Variants in ATXN2 observed in about 807,000 individuals in gnomAD.
ATXN2 encodes ataxin 2.
Under a neutral mutation model 138.6 loss-of-function variants are expected in ATXN2, and 37 were observed. The observed-to-expected ratio is 0.27, with a 90% CI of 0.21 to 0.35. ATXN2 has a LOEUF of 0.35. Among genes scored for constraint, ATXN2 ranks in the 10% least tolerant of loss-of-function variants. The probability of loss-of-function intolerance (pLI) is 1.00; values close to 1 mark genes in which losing one functional copy is unlikely to be tolerated. For synonymous variants in ATXN2, 549 were observed against 543.7 expected (o/e 1.01, Z -0.13); for missense variants, 1,216 against 1,480.3 (o/e 0.82, Z 2.93).
Position 111,561,184 on chromosome 12 carries a change from C to CA in ATXN2, c.252-5266dup, listed in dbSNP as rs143602215. Among the ~76,000 whole-genome samples, 629 of 129,700 alleles carry CA rather than the reference C, an allele frequency of 4.8e-3. 13 individuals are homozygous for CA. The highest frequency in any genetic ancestry group is 0.028 in the Admixed American group (361 of 12,688). The allele number at this position is 129,700 out of a possible 152,430, so 85.1% of individuals were successfully genotyped here. A position where few individuals can be genotyped will look rare whatever the true frequency, so the allele number is the denominator to read the frequency against. On this transcript the variant is annotated intron_variant, in intron 1 of 24. Coordinates refer to ENST00000673436, the MANE Select transcript of ATXN2 (RefSeq NM_001372574.1). ...TGGGCAATACAGCGAGACTCCGCCTCAAAAAAAAAAAATAAATGAACAGTC... is the reference window on the plus strand; with the variant it reads ...TGGGCAATACAGCGAGACTCCGCCTCAAAAAAAAAAAAATAAATGAACAGTC...
Position 111,457,194 on chromosome 12 carries a change from G to C in ATXN2, c.3042+20C>G, listed in dbSNP as rs746951692. 5 of 1,603,346 alleles carry C rather than the reference G, an allele frequency of 3.1e-6. No individual in the cohort carries two copies. The Admixed American group carries it at 7.0e-5, about 22-fold the overall frequency. On this transcript the variant is annotated intron_variant, in intron 22 of 24. Transcript: ENST00000673436. ...TAGGATAAAGAAGCCACTCCATGCA[G>C]ACCTCTGAGTTGCCCTTACCTGAAC...
intron 18 of ATXN2, among the ~76,000 whole-genome samples, chr12:111,478,782 G>A (rs1344244638): frequency 6.6e-6 from 1 of 151,816 alleles, no homozygotes; most frequent in African/African-American, 2.4e-5. Context: ...TGGGGCGGGT[G>A]GATCACTTGT....
At chr12:111,569,524 T>C (rs1883198475) in intron 1 of ATXN2, among the ~76,000 whole-genome samples, 1 of 152,194 alleles carries the variant, frequency 6.6e-6, no homozygotes, top group Non-Finnish European at 1.5e-5. Context: ...GAGACCAGCC[T>C]GGACAACATG....
intron 14 of ATXN2, among the ~76,000 whole-genome samples, chr12:111,492,836 G>C (rs77070824): frequency 0.019 from 2,898 of 152,084 alleles, 46 homozygotes; most frequent in Non-Finnish European, 0.029. Flanking sequence ...TAAAAATAAA[G>C]GACACCAGTG....
chr12:111,506,637 CCT>C (rs1879131703), intron 14 of ATXN2, among the ~76,000 whole-genome samples: 1 of 147,782 alleles, frequency 6.8e-6, no homozygotes, highest in African/African-American at 2.5e-5. Context: ...CCTCTCCCCC[CCT>C]CCCCCTCCCC....
At position 111,556,478 on chromosome 12, in the gene ATXN2, G is replaced by A. The variant is rs181979700; in HGVS notation, c.252-559C>T. On this transcript the variant is annotated intron_variant, in intron 1 of 24. Transcript: ENST00000673436. ...CTTGATTTAACCAACACAGATGACTGACACCAAGTCACTTCCCATATTTCT... is the reference window on the plus strand; with the variant it reads ...CTTGATTTAACCAACACAGATGACTAACACCAAGTCACTTCCCATATTTCT... 2.3e-3 allele frequency among the ~76,000 whole-genome samples: 356 copies of A among 152,262 alleles called. 3 individuals carry two copies. The highest frequency in any genetic ancestry group is 3.0e-3 in the Non-Finnish European group (206 of 68,024).
Position 111,591,793 on chromosome 12 carries a change from C to T in ATXN2, c.251+6991G>A, listed in dbSNP as rs183051128. 3.3e-5 allele frequency among the ~76,000 whole-genome samples: 5 copies of T among 152,116 alleles called. No individual in the cohort carries two copies. In the East Asian group the frequency reaches 5.8e-4, roughly 18 times the overall value. ...GTTGTTGTTACTGTTTTTTAAGAGA[C>T]AGGGTAGGCTGCGCACGGTGGCTCA... On this transcript the variant is annotated intron_variant, in intron 1 of 24. Transcript: ENST00000673436.
chr12:111,531,330 T>C (rs549587061), intron 5 of ATXN2, among the ~76,000 whole-genome samples: 2 of 152,034 alleles, frequency 1.3e-5, no homozygotes, highest in Non-Finnish European at 2.9e-5. Flanking sequence ...GGCGAATTGC[T>C]TGAACCTTGA....
At chr12:111,546,348 A>G (rs953122280) in intron 5 of ATXN2, among the ~76,000 whole-genome samples, 6 of 152,164 alleles carry the variant, frequency 3.9e-5, no homozygotes, top group Non-Finnish European at 7.4e-5. Flanking sequence ...AGACAGTCAA[A>G]TTTTCTGGCT....
chr12:111,531,308 G>A (rs1303712500), intron 5 of ATXN2, among the ~76,000 whole-genome samples: 1 of 152,190 alleles, frequency 6.6e-6, no homozygotes, highest in Non-Finnish European at 1.5e-5. Flanking sequence ...AGCTACTCGG[G>A]AGGCTGAGGC....
chr12:111,571,286 C>T (rs1883297436), intron 1 of ATXN2, among the ~76,000 whole-genome samples: 1 of 152,080 alleles, frequency 6.6e-6, no homozygotes, highest in Admixed American at 6.6e-5. Flanking sequence ...GAATACTGAC[C>T]TGTAAAAAGA....
intron 5 of ATXN2, among the ~76,000 whole-genome samples, chr12:111,526,318 T>C (rs1226394187): frequency 1.3e-5 from 2 of 151,012 alleles, no homozygotes; most frequent in Non-Finnish European, 2.9e-5. Context: ...ATCACGCCAC[T>C]GTGCTCCAGC....
rs371700784 is a variant in ATXN2, at chr12:111,488,568, C to T, written c.2148G>A (p.Arg716=). The T allele has an allele frequency of 4.3e-6, 7 of 1,614,056 alleles. No homozygotes were observed. In the African/African-American group the frequency reaches 8.0e-5, roughly 18 times the overall value. The stretch of plus-strand genomic sequence containing the variant: ...CCCCTTGGGAAGTGACCTCAGGTCC[C>T]CTCTTGTGCTCCGTGTTACTAAGTA... The part of the protein sequence containing the change: ...PSILSNTEHK[R]GPEVTSQGVQ... Residue 716 remains arginine (R), a synonymous_variant, in exon 15 of 25, where the codon AGG becomes AGA. Transcript: ENST00000673436.
rs114285692 is a variant in ATXN2 at position 111,478,115 on chromosome 12, G to T, written c.2524+7150C>A. Reference sequence around the variant, plus strand: ...CCAGGCAGAAACATTGAGACAAAAAGAAATTATTAGGACAGGCGCAGTGGC... The same window carrying T: ...CCAGGCAGAAACATTGAGACAAAAATAAATTATTAGGACAGGCGCAGTGGC... On this transcript the variant is annotated intron_variant, in intron 18 of 24. Coordinates refer to ENST00000673436, the MANE Select transcript of ATXN2 (RefSeq NM_001372574.1). Among the ~76,000 whole-genome samples the T allele has an allele frequency of 2.1e-3, 321 of 149,808 alleles. 2 individuals carry two copies. Among genetic ancestry groups the T allele is most frequent in the African/African-American group, 7.5e-3 (307 of 40,972 alleles).
intron 14 of ATXN2, among the ~76,000 whole-genome samples, chr12:111,503,872 C>A (rs1369373478): frequency 6.6e-6 from 1 of 151,548 alleles, no homozygotes; most frequent in Non-Finnish European, 1.5e-5. Flanking sequence ...TTATAGGTAT[C>A]AGCCACCGTG....
intron 22 of ATXN2, among the ~76,000 whole-genome samples, chr12:111,456,466 G>A (rs981730858): frequency 6.6e-6 from 1 of 152,168 alleles, no homozygotes; most frequent in African/African-American, 2.4e-5. Context: ...TTCTCAGTCT[G>A]GCAGTTAGAA....
chr12:111,524,210 T>G (rs979437982), intron 6 of ATXN2, among the ~76,000 whole-genome samples: 1 of 152,250 alleles, frequency 6.6e-6, no homozygotes, highest in Non-Finnish European at 1.5e-5. Context: ...TGCCTGTGTA[T>G]GTCCAGTTTT....
intron 1 of ATXN2, among the ~76,000 whole-genome samples, chr12:111,562,281 A>G (rs903733992): frequency 2.0e-5 from 3 of 152,088 alleles, no homozygotes; most frequent in African/African-American, 7.2e-5. Flanking sequence ...AATAGTTTTA[A>G]AAAACAGTCA....
At chr12:111,491,332 A>G (rs140564354) in intron 14 of ATXN2, among the ~76,000 whole-genome samples, 3 of 152,150 alleles carry the variant, frequency 2.0e-5, no homozygotes, top group African/African-American at 4.8e-5. Context: ...TAAACTTGAA[A>G]GGCAGTCTAG....
Sources: allele counts gnomAD v4.1 joint callset (sites outside exome capture counted in the v4.1 genomes callset), GRCh38; gene constraint gnomAD v4.1.1; transcripts MANE v1.5; gene names NCBI Gene and HGNC (gene_info 2026-07-23, HGNC 2026-07-21).